Variants in IGF1R observed in about 807,000 individuals in gnomAD.
IGF1R encodes insulin-like growth factor 1 receptor.
IGF1R carries 44 observed loss-of-function variants against 144.6 expected under a neutral mutation model. The ratio of observed to expected loss-of-function variants is 0.30; its 90% CI spans 0.24 to 0.39. The LOEUF is 0.39. IGF1R is among the 10% of genes least tolerant of loss of function. The pLI is 1.00. For missense variants in IGF1R, 1,355 were observed against 1,833.7 expected, an observed-to-expected ratio of 0.74 and a Z score of 4.77; for synonymous variants, 795 against 722.8, an observed-to-expected ratio of 1.10 and a Z score of -1.60.
chr15:98,899,703 GCCC>G (rs1234257531), intron 5 of IGF1R, 82 bp downstream of exon 5: 28 of 1,363,602 alleles, frequency 2.1e-5, no homozygotes, highest in Admixed American at 3.4e-5. Context: ...TGAGGTAAGA[GCCC>G]TCCCTGCCTT....
At chr15:98,728,017 T>TTTG (rs1555436632) in intron 2 of IGF1R, among the ~76,000 whole-genome samples, 4 of 150,386 alleles carry the variant, frequency 2.7e-5, no homozygotes, top group Admixed American at 6.6e-5. Context: ...GTTTTTTTTT[T>TTTG]TTTTTTTTTT....
chr15:98,672,809 C>G (rs1488305180), intron 1 of IGF1R, among the ~76,000 whole-genome samples: 1 of 152,002 alleles, frequency 6.6e-6, no homozygotes, highest in Non-Finnish European at 1.5e-5. Flanking sequence ...ATTTTTCCCC[C>G]CTAAATACGG....
intron 1 of IGF1R, among the ~76,000 whole-genome samples, chr15:98,666,285 A>T (rs1006422131): frequency 2.7e-5 from 4 of 150,716 alleles, no homozygotes; most frequent in African/African-American, 9.9e-5. Flanking sequence ...TTAAAATGGC[A>T]CAGCCTTTTT....
intron 3 of IGF1R, 99 bp from the exon 4 acceptor site, chr15:98,896,658 G>C (rs1297660595): frequency 4.0e-6 from 5 of 1,236,974 alleles, no homozygotes; most frequent in Middle Eastern, 3.9e-4. Context: ...TCTAATGCAT[G>C]CTGTAATAAC....
chr15:98,895,388 T>A (rs2014142383), intron 3 of IGF1R, among the ~76,000 whole-genome samples: 1 of 151,528 alleles, frequency 6.6e-6, no homozygotes, highest in Admixed American at 6.6e-5. Flanking sequence ...CAGCTTTTTG[T>A]GACTCTATAA....
chr15:98,739,510 C>T (rs532319417), intron 2 of IGF1R, among the ~76,000 whole-genome samples: 1 of 152,196 alleles, frequency 6.6e-6, no homozygotes, highest in Admixed American at 6.5e-5. Context: ...GGTGGCTGAT[C>T]AGGTTGTCTC....
intron 2 of IGF1R, among the ~76,000 whole-genome samples, chr15:98,843,246 A>C (rs2011207736): frequency 6.6e-6 from 1 of 152,222 alleles, no homozygotes; most frequent in African/African-American, 2.4e-5. Context: ...AGAAAGTTAG[A>C]ATATTGGGAA....
chr15:98,941,441 GTGATTTTTTTTGTAATCA>G (rs1391353823), intron 18 of IGF1R, among the ~76,000 whole-genome samples: 1 of 152,198 alleles, frequency 6.6e-6, no homozygotes, highest in African/African-American at 2.4e-5. Flanking sequence ...CATATTTATA[GTGATTTTTTTTGTAATCA>G]TGGTTTTTCT....
chr15:98,789,290 G>C (rs2056076374), intron 2 of IGF1R, among the ~76,000 whole-genome samples: 2 of 152,188 alleles, frequency 1.3e-5, no homozygotes, highest in African/African-American at 2.4e-5. Context: ...CAATTGTGCT[G>C]ATGACGCTTT....
At chr15:98,750,187 AAG>A (rs899127345) in intron 2 of IGF1R, among the ~76,000 whole-genome samples, 5 of 151,844 alleles carry the variant, frequency 3.3e-5, no homozygotes, top group African/African-American at 7.3e-5. Flanking sequence ...GCAGGACTGA[AAG>A]AGCTGAGAAA....
At chr15:98,662,706 C>A (rs2052629571) in intron 1 of IGF1R, among the ~76,000 whole-genome samples, 1 of 152,014 alleles carries the variant, frequency 6.6e-6, no homozygotes. Context: ...GCAGTGGGGT[C>A]ACGGAACTGC....
intron 2 of IGF1R, among the ~76,000 whole-genome samples, chr15:98,717,549 G>T (rs868231901): frequency 1.3e-5 from 2 of 152,162 alleles, no homozygotes; most frequent in Non-Finnish European, 2.9e-5. Flanking sequence ...AAATTCTTGT[G>T]TCTGTCCAGA....
chr15:98,664,097 G>A (rs1050605704), intron 1 of IGF1R, among the ~76,000 whole-genome samples: 9 of 152,166 alleles, frequency 5.9e-5, no homozygotes, highest in East Asian at 1.9e-4. Flanking sequence ...GGTATCATTT[G>A]GCCTGTGGGC....
At chr15:98,792,101 A>G (rs978948844) in intron 2 of IGF1R, among the ~76,000 whole-genome samples, 19 of 152,202 alleles carry the variant, frequency 1.2e-4, no homozygotes, top group African/African-American at 4.1e-4. Flanking sequence ...AATTCATTGT[A>G]TGTAGAATAC....
At chr15:98,654,752 C>T (rs2141166594) in intron 1 of IGF1R, among the ~76,000 whole-genome samples, 1 of 152,252 alleles carries the variant, frequency 6.6e-6, no homozygotes, top group African/African-American at 2.4e-5. Context: ...ATGAGCTCTT[C>T]TCAATTGTAC....
At position 98,935,419 on chromosome 15, in the gene IGF1R, A is replaced by G. The variant is rs1284356361; in HGVS notation, c.3290A>G (p.Glu1097Gly). 2.6e-6 allele frequency: 4 copies of G among 1,540,664 alleles called. No homozygotes were observed. The highest frequency in any genetic ancestry group is 2.6e-6 in the Non-Finnish European group (3 of 1,136,954). ...LKSYLRSLRPEMENNPVLAPP... is the reference protein window; with the variant it reads ...LKSYLRSLRPGMENNPVLAPP... ...AGTTATCTCCGGTCTCTGAGGCCAGAAATGGAGGTCAGTTTTCATTTCCAC... is the reference window on the plus strand; with the variant it reads ...AGTTATCTCCGGTCTCTGAGGCCAGGAATGGAGGTCAGTTTTCATTTCCAC... Residue 1097 changes from glutamate (E) to glycine (G), a missense_variant, in exon 17 of 21, where the codon GAA becomes GGA. Glu to Gly is a moderately conservative substitution (Grantham distance 98). Transcript: ENST00000650285. This position sits in a 1 kb window ranked among gnomAD's most constrained non-coding sequence, Gnocchi z 4.2.
chr15:98,820,406 A>T (rs901623682), intron 2 of IGF1R, among the ~76,000 whole-genome samples: 1 of 152,256 alleles, frequency 6.6e-6, no homozygotes, highest in Non-Finnish European at 1.5e-5. Flanking sequence ...AGGACGTTTT[A>T]CATTGCTTGC....
At chr15:98,797,281 G>A (rs753453238) in intron 2 of IGF1R, among the ~76,000 whole-genome samples, 44 of 152,290 alleles carry the variant, frequency 2.9e-4, no homozygotes, top group African/African-American at 1.1e-3. Flanking sequence ...GCTGCAGCCC[G>A]AGCCCCGTTT....
rs1446194854 is a variant in IGF1R, at chr15:98,649,085, C to T, written c.-497C>T. On this transcript the variant is annotated 5_prime_UTR_variant, in exon 1 of 21. Coordinates refer to ENST00000650285, the MANE Select transcript of IGF1R (RefSeq NM_000875.5). ...ATTCATTTTGACTCCGCGTTTCTGCCCCTCGCCGGCCTCGCCTGTGACCCG... is the reference window on the plus strand; with the variant it reads ...ATTCATTTTGACTCCGCGTTTCTGCTCCTCGCCGGCCTCGCCTGTGACCCG... 4.6e-6 allele frequency: 1 copy of T among 219,040 alleles called. No homozygotes were observed. The highest frequency in any genetic ancestry group is 9.1e-6 in the Non-Finnish European group (1 of 109,338). 13.6% of individuals were successfully genotyped at this position (219,040 alleles called of 1,614,324 possible).
Sources: gnomAD v4.1 joint callset for allele counts (sites outside exome capture counted in the v4.1 genomes callset) on GRCh38, gnomAD v4.1.1 for gene constraint, Gnocchi (gnomAD v3.1) non-coding constraint, MANE v1.5 for transcripts, NCBI Gene and HGNC (gene_info 2026-07-23, HGNC 2026-07-21) for gene names.